ADCY8: variants seen among roughly 807,000 people sequenced by gnomAD.
ADCY8 encodes adenylate cyclase type 8.
A neutral mutation model predicts 119.7 loss-of-function variants in ADCY8; 51 were observed. That is an observed-to-expected ratio of 0.43 (90% CI 0.34 to 0.54). The LOEUF (loss-of-function observed/expected upper bound fraction) is 0.54. Ranked by LOEUF, ADCY8 falls within the 20% of genes least tolerant of loss-of-function variation. The probability of loss-of-function intolerance (pLI) is 0.03; values close to 1 mark genes in which losing one functional copy is unlikely to be tolerated. For synonymous variants in ADCY8, 665 were observed against 651.0 expected, an observed-to-expected ratio of 1.02 and a Z score of -0.33; for missense variants, 1,383 against 1,598.8, an observed-to-expected ratio of 0.87 and a Z score of 2.30.
intron 12 of ADCY8, among the ~76,000 whole-genome samples, chr8:130,822,663 T>C (rs1816554529): frequency 1.3e-5 from 2 of 152,088 alleles, no homozygotes; most frequent in South Asian, 4.2e-4. Context: ...ACCATCCTTT[T>C]ATTCTTTCAT....
chr8:130,941,068 C>T (rs958500772), intron 4 of ADCY8, among the ~76,000 whole-genome samples: 2 of 152,186 alleles, frequency 1.3e-5, no homozygotes, highest in Non-Finnish European at 1.5e-5. Context: ...AACATTAGTG[C>T]TATCAGTGTA....
In ADCY8 at chr8:131,040,265, CG is replaced by C. The variant is rs1399760184; in HGVS notation, c.68del (p.Pro23ArgfsTer162). Reference sequence around the variant, plus strand: ...GGGAGGCGCTCCTGCCGTCGCCGGCCGGGGGCGTCGGGTGGATGGTGTAGAG... The same window carrying C: ...GGGAGGCGCTCCTGCCGTCGCCGGCCGGGGCGTCGGGTGGATGGTGTAGAG... ...EELYTIHPTP[P>X]AGDGRSASRP... On this transcript the variant is annotated frameshift_variant, in exon 1 of 18. Coordinates refer to ENST00000286355, the MANE Select transcript of ADCY8 (RefSeq NM_001115.3). LOFTEE classifies it high-confidence loss of function. The C allele has an allele frequency of 1.3e-6, 2 of 1,558,730 alleles. No homozygotes were observed. The highest frequency in any genetic ancestry group is 8.6e-7 in the Non-Finnish European group (1 of 1,158,960).
intron 2 of ADCY8, among the ~76,000 whole-genome samples, chr8:130,974,846 C>T (rs532582743): frequency 3.3e-5 from 5 of 152,270 alleles, no homozygotes; most frequent in South Asian, 2.1e-4. Flanking sequence ...ACCACAGTTA[C>T]GGAGATAATG....
At chr8:130,893,409 T>C (rs1409238792) in intron 7 of ADCY8, among the ~76,000 whole-genome samples, 1 of 152,144 alleles carries the variant, frequency 6.6e-6, no homozygotes, top group Non-Finnish European at 1.5e-5. Flanking sequence ...GGTTTGTTCA[T>C]AGGGCCACAG....
chr8:131,006,783 GA>G (rs1183813136), intron 1 of ADCY8, among the ~76,000 whole-genome samples: 2 of 152,110 alleles, frequency 1.3e-5, no homozygotes. Flanking sequence ...AGAAATGTCA[GA>G]ACTGAGGGTT....
At position 131,040,536 on chromosome 8, in the gene ADCY8, G is replaced by A; in HGVS notation, c.-203C>T. On this transcript the variant is annotated 5_prime_UTR_variant, in exon 1 of 18. Coordinates refer to ENST00000286355, the MANE Select transcript of ADCY8 (RefSeq NM_001115.3). ...GGGCAAAGGGCACCTGGAAGATCGC[G>A]GCGGACCTCGGCGTCCTTGCGTGCT... 4.2e-6 allele frequency: 2 copies of A among 479,776 alleles called. No homozygotes were observed. Among genetic ancestry groups the A allele is most frequent in the Non-Finnish European group, 6.7e-6 (2 of 298,358 alleles). 29.7% of individuals were successfully genotyped at this position (479,776 alleles called of 1,614,324 possible).
Position 131,040,038 on chromosome 8 carries a change from C to G in ADCY8, c.296G>C (p.Arg99Pro). 6.5e-7 allele frequency: 1 copy of G among 1,549,442 alleles called. No individual in the cohort carries two copies. The highest frequency in any genetic ancestry group is 8.7e-7 in the Non-Finnish European group (1 of 1,151,574). ...LPLYSLGPGERAHSTCGTKVF... is the reference protein window; with the variant it reads ...LPLYSLGPGEPAHSTCGTKVF... The stretch of plus-strand genomic sequence containing the variant: ...TTTGGTGCCGCAGGTGCTGTGCGCT[C>G]GCTCTCCCGGGCCCAGCGAGTAGAG... Residue 99 changes from arginine (R) to proline (P), a missense_variant, in exon 1 of 18, where the codon CGA (arginine) becomes CCA (proline). Transcript: ENST00000286355.
At chr8:130,931,332 G>A (rs1820624364) in intron 5 of ADCY8, among the ~76,000 whole-genome samples, 2 of 152,088 alleles carry the variant, frequency 1.3e-5, no homozygotes, top group Non-Finnish European at 2.9e-5. Context: ...TCCTATATAT[G>A]GTATTTGCTT....
At chr8:131,036,600 T>C (rs1824163097) in intron 1 of ADCY8, among the ~76,000 whole-genome samples, 1 of 152,256 alleles carries the variant, frequency 6.6e-6, no homozygotes, top group African/African-American at 2.4e-5. Context: ...AGAAACATAG[T>C]AGATATAAAC....
intron 5 of ADCY8, among the ~76,000 whole-genome samples, chr8:130,914,112 A>G (rs1203235589): frequency 6.6e-6 from 1 of 152,224 alleles, no homozygotes; most frequent in East Asian, 1.9e-4. Flanking sequence ...CAGAGCTGGT[A>G]AGTAGGATTC....
intron 8 of ADCY8, among the ~76,000 whole-genome samples, chr8:130,872,699 C>A (rs1050180119): frequency 6.6e-6 from 1 of 152,092 alleles, no homozygotes; most frequent in Non-Finnish European, 1.5e-5. Flanking sequence ...AAATAATGAG[C>A]CCCTTTTTAG....
At chr8:130,812,962 T>A (rs1325573754) in intron 14 of ADCY8, among the ~76,000 whole-genome samples, 6 of 151,864 alleles carry the variant, frequency 4.0e-5, no homozygotes, top group Admixed American at 1.3e-4. Flanking sequence ...TTTTTTTTTT[T>A]TTTGAGATGG....
At chr8:130,866,097 G>T (rs1049412954) in intron 9 of ADCY8, among the ~76,000 whole-genome samples, 2 of 151,968 alleles carry the variant, frequency 1.3e-5, no homozygotes, top group African/African-American at 4.8e-5. Flanking sequence ...GGGGATTGTT[G>T]CTACCCACTT....
chr8:130,910,570 G>A (rs914878009), intron 5 of ADCY8, among the ~76,000 whole-genome samples: 1 of 152,154 alleles, frequency 6.6e-6, no homozygotes, highest in African/African-American at 2.4e-5. Context: ...TAGAGCTGTG[G>A]TCTCTGAAAT....
At chr8:130,916,909 A>G (rs1334961888) in intron 5 of ADCY8, among the ~76,000 whole-genome samples, 1 of 151,938 alleles carries the variant, frequency 6.6e-6, no homozygotes, top group East Asian at 1.9e-4. Context: ...TCACACCTCT[A>G]TATTTCTGTG....
chr8:130,989,470 G>A (rs1181102366), intron 2 of ADCY8, among the ~76,000 whole-genome samples: 2 of 152,102 alleles, frequency 1.3e-5, no homozygotes, highest in South Asian at 2.1e-4. Context: ...TAAGAAATGT[G>A]CTGTATTATA....
At chr8:130,785,955 T>C (rs1427645627) in intron 15 of ADCY8, among the ~76,000 whole-genome samples, 4 of 152,212 alleles carry the variant, frequency 2.6e-5, no homozygotes, top group Admixed American at 6.5e-5. Context: ...CACCTGTTGT[T>C]CTCTTGCTGG....
At chr8:130,949,876 C>T (rs975036704) in intron 3 of ADCY8, among the ~76,000 whole-genome samples, 5 of 152,114 alleles carry the variant, frequency 3.3e-5, no homozygotes, top group Non-Finnish European at 7.4e-5. Flanking sequence ...AGATCTGGGG[C>T]GCATCTCTTC....
rs1817220386 is a variant in ADCY8 at position 130,843,881 on chromosome 8, A to G, written c.2502+3543T>C. ...GATGGAGTGTGAATGCTAAGATGACACCATAAGGGTATGTGAGATGGCAGG... is the reference window on the plus strand; with the variant it reads ...GATGGAGTGTGAATGCTAAGATGACGCCATAAGGGTATGTGAGATGGCAGG... On this transcript the variant is annotated intron_variant, in intron 11 of 17. Transcript: ENST00000286355. Among the ~76,000 whole-genome samples, 5 of 152,162 alleles carry G rather than the reference A, an allele frequency of 3.3e-5. No individual in the cohort carries two copies. In the South Asian group the frequency reaches 1.0e-3, roughly 32 times the overall value.
Sources: gnomAD v4.1 joint callset for allele counts (sites outside exome capture counted in the v4.1 genomes callset) on GRCh38, gnomAD v4.1.1 for gene constraint, MANE v1.5 for transcripts, NCBI Gene and HGNC (gene_info 2026-07-23, HGNC 2026-07-21) for gene names.